The following HIVEP3 variants were observed in gnomAD, a reference collection of about 807,000 sequenced individuals.
HIVEP3 encodes HIVEP zinc finger 3, also known as transcription factor HIVEP3.
In HIVEP3, 49 loss-of-function variants were observed where a neutral mutation model predicts 152.8. The observed-to-expected ratio is 0.32, with a 90% CI of 0.26 to 0.41. The LOEUF (loss-of-function observed/expected upper bound fraction) is 0.41. Ranked by LOEUF, HIVEP3 falls within the 10% of genes least tolerant of loss-of-function variation. HIVEP3 has a pLI of 1.00. For missense variants in HIVEP3, 2,790 were observed against 3,103.3 expected (o/e 0.90, Z 2.40); for synonymous variants, 1,269 against 1,289.0 (o/e 0.98, Z 0.33).
intron 1 of HIVEP3, among the ~76,000 whole-genome samples, chr1:41,714,987 G>A (rs981046331): frequency 2.6e-4 from 39 of 152,220 alleles, no homozygotes; most frequent in African/African-American, 7.7e-4. Context: ...GTGCAGCCAG[G>A]CCTGGCATCT....
intron 5 of HIVEP3, among the ~76,000 whole-genome samples, chr1:41,554,762 T>A (rs2149083863): frequency 6.6e-6 from 1 of 152,358 alleles, no homozygotes; most frequent in Non-Finnish European, 1.5e-5. Flanking sequence ...GCTGCAGGTC[T>A]GTTGGAGTTT....
At chr1:41,861,444 C>T (rs1643886718) in intron 1 of HIVEP3, among the ~76,000 whole-genome samples, 1 of 152,218 alleles carries the variant, frequency 6.6e-6, no homozygotes, top group Non-Finnish European at 1.5e-5. Flanking sequence ...GTGTGTTCTG[C>T]TAGAGGCCCA....
intron 1 of HIVEP3, among the ~76,000 whole-genome samples, chr1:41,845,966 C>T (rs1643432440): frequency 6.6e-6 from 1 of 152,142 alleles, no homozygotes; most frequent in East Asian, 1.9e-4. Flanking sequence ...ACTCTGGAGG[C>T]TGAGGCAGGA....
At chr1:41,973,694 G>A (rs1645243233) in intron 1 of HIVEP3, among the ~76,000 whole-genome samples, 2 of 152,208 alleles carry the variant, frequency 1.3e-5, no homozygotes, top group South Asian at 4.1e-4. Context: ...CCATATGCAA[G>A]GAATGATAGG....
intron 1 of HIVEP3, among the ~76,000 whole-genome samples, chr1:41,826,315 G>A (rs1406207618): frequency 6.6e-6 from 1 of 152,200 alleles, no homozygotes; most frequent in East Asian, 1.9e-4. Context: ...CCAGGAAATG[G>A]GGGATCCTAA....
chr1:41,698,638 C>A (rs1003826355), intron 2 of HIVEP3, among the ~76,000 whole-genome samples: 6 of 152,160 alleles, frequency 3.9e-5, no homozygotes, highest in African/African-American at 1.4e-4. Context: ...ACTACTGACA[C>A]CCCAACACAT....
rs114090920 is a variant in HIVEP3, at chr1:41,578,262, T to C, written c.5061+1475A>G. 5.2e-3 allele frequency among the ~76,000 whole-genome samples: 795 copies of C among 152,340 alleles called. 3 individuals are homozygous for C. The highest frequency in any genetic ancestry group is 9.0e-3 in the African/African-American group (373 of 41,572). ...ATTTAGCATAGTACTTGGTACATAA[T>C]AGGTATCCAAAAAGTTAGCAGTATG... On this transcript the variant is annotated intron_variant, in intron 4 of 8. Coordinates refer to ENST00000372583, the MANE Select transcript of HIVEP3 (RefSeq NM_024503.5).
At position 41,908,647 on chromosome 1, in the gene HIVEP3, G is replaced by C. The variant is rs563116205; in HGVS notation, c.-801+9766C>G. ...GACTTTCATTTTCTGAACGATAGTG[G>C]ATTCAATATATAGCCAACTCTACTG... is the stretch of plus-strand genomic sequence containing the variant. On this transcript the variant is annotated intron_variant, in intron 1 of 8. Coordinates refer to ENST00000372583, the MANE Select transcript of HIVEP3 (RefSeq NM_024503.5). 4.6e-5 allele frequency among the ~76,000 whole-genome samples: 7 copies of C among 152,286 alleles called. No individual in the cohort carries two copies. In the East Asian group the frequency reaches 1.2e-3, roughly 25 times the overall value.
chr1:41,545,059 C>T, intron 5 of HIVEP3, among the ~76,000 whole-genome samples: 2 of 123,696 alleles, frequency 1.6e-5, no homozygotes, highest in African/African-American at 3.1e-5. Context: ...ACCACCATCA[C>T]TACCACCACC....
At chr1:41,642,514 A>G (rs538848991) in intron 2 of HIVEP3, among the ~76,000 whole-genome samples, 91 of 152,254 alleles carry the variant, frequency 6.0e-4, no homozygotes, top group Admixed American at 1.8e-3. Context: ...GCCAGGAATG[A>G]TCTTTCATTT....
intron 5 of HIVEP3, chr1:41,535,743 T>A (rs543962354): frequency 1.3e-5 from 2 of 151,994 alleles, no homozygotes; most frequent in East Asian, 3.9e-4. Context: ...ATCAGGAGGG[T>A]CTTACAATCT....
chr1:41,671,870 G>A (rs1053914106), intron 2 of HIVEP3, among the ~76,000 whole-genome samples: 1 of 152,164 alleles, frequency 6.6e-6, no homozygotes, highest in Non-Finnish European at 1.5e-5. Flanking sequence ...TTTATCAGTG[G>A]AAAAGCCAGG....
At chr1:41,740,418 G>A (rs959397357) in intron 1 of HIVEP3, among the ~76,000 whole-genome samples, 1 of 152,252 alleles carries the variant, frequency 6.6e-6, no homozygotes, top group Admixed American at 6.5e-5. Context: ...AACCTGGTGT[G>A]ATTGGGCGAG....
At chr1:41,623,110 G>T (rs894364630) in intron 3 of HIVEP3, among the ~76,000 whole-genome samples, 2 of 152,200 alleles carry the variant, frequency 1.3e-5, no homozygotes, top group African/African-American at 4.8e-5. Context: ...TCAGTGTCAA[G>T]CATGTTTTTG....
intron 1 of HIVEP3, among the ~76,000 whole-genome samples, chr1:41,930,951 G>A (rs1283636653): frequency 6.6e-6 from 1 of 151,928 alleles, no homozygotes; most frequent in African/African-American, 2.4e-5. Context: ...CAAATATTTT[G>A]CCCATTTTTT....
rs1169962602 is a variant in HIVEP3 at position 41,511,986 on chromosome 1, G to A, written c.6406-720C>T. On this transcript the variant is annotated intron_variant, in intron 8 of 8. Coordinates refer to ENST00000372583, the MANE Select transcript of HIVEP3 (RefSeq NM_024503.5). This position sits in a 1 kb window ranked among gnomAD's most constrained non-coding sequence, Gnocchi z 4.9. ...GTTGACAAGGATGATATTGGTTGTG[G>A]TGTCTCTGAGAGCACTGGTGACAGT... is the stretch of plus-strand genomic sequence containing the variant. 6.6e-6 allele frequency among the ~76,000 whole-genome samples: 1 copy of A among 152,060 alleles called. No individual in the cohort carries two copies. Among genetic ancestry groups the A allele is most frequent in the Non-Finnish European group, 1.5e-5 (1 of 68,018 alleles).
chr1:41,739,066 G>A lies in HIVEP3; in HGVS notation c.-800-38071C>T, dbSNP rs529342658. On this transcript the variant is annotated intron_variant, in intron 1 of 8. Transcript: ENST00000372583. ...CCCTCGGCCACCCACTGCTTTTTGC[G>A]GAGGAAACAGAAATGTCTGAAAATA... Among the ~76,000 whole-genome samples, 4 of 152,328 alleles carry A rather than the reference G, an allele frequency of 2.6e-5. No homozygotes were observed. The South Asian group carries it at 6.2e-4, about 24-fold the overall frequency.
At position 41,544,982 on chromosome 1, in the gene HIVEP3, C is replaced by CTCT. The variant is rs1558047140; in HGVS notation, c.5208-20073_5208-20072insAGA. Among the ~76,000 whole-genome samples, 3 of 71,118 alleles carry CTCT rather than the reference C, an allele frequency of 4.2e-5. 1 individual carries two copies. Among genetic ancestry groups the CTCT allele is most frequent in the Admixed American group, 2.7e-4 (2 of 7,340 alleles). 46.7% of individuals were successfully genotyped at this position (71,118 alleles called of 152,430 possible). A position where few individuals can be genotyped will look rare whatever the true frequency, so the allele number is the denominator to read the frequency against. ...CCATCACCACCACCACCACTATCAC[C>CTCT]GCCACCACCATCGCTACCATCACCA... On this transcript the variant is annotated intron_variant, in intron 5 of 8. Transcript: ENST00000372583.
In HIVEP3 at chr1:41,572,494, C is replaced by T. The variant is rs190280717; in HGVS notation, c.5207+3050G>A. Among the ~76,000 whole-genome samples the T allele has an allele frequency of 2.2e-4, 33 of 152,354 alleles. No homozygotes were observed. The East Asian group carries it at 6.0e-3, about 28-fold the overall frequency. ...GCTATTCCATCCCCCAGGCATCCTT[C>T]CTTTGCTGTGAGCTTCTCAGCTCTG... On this transcript the variant is annotated intron_variant, in intron 5 of 8. Transcript: ENST00000372583.
Sources: allele counts gnomAD v4.1 joint callset (sites outside exome capture counted in the v4.1 genomes callset), GRCh38; gene constraint gnomAD v4.1.1; non-coding constraint Gnocchi (gnomAD v3.1); transcripts MANE v1.5; gene names NCBI Gene and HGNC (gene_info 2026-07-23, HGNC 2026-07-21).